Variants in YTHDF1 observed in about 807,000 individuals in gnomAD.
YTHDF1 encodes the protein YTH N6-methyladenosine RNA binding protein F1.
A neutral mutation model predicts 49.1 loss-of-function variants in YTHDF1; 16 were observed. That is an observed-to-expected ratio of 0.33 (90% CI 0.22 to 0.49). The LOEUF (loss-of-function observed/expected upper bound fraction) is 0.49. Among genes scored for constraint, YTHDF1 ranks in the 20% least tolerant of loss-of-function variants. The pLI is 0.99. For missense variants in YTHDF1, 621 were observed against 744.3 expected, an observed-to-expected ratio of 0.83 and a Z score of 1.93; for synonymous variants, 313 against 290.1, an observed-to-expected ratio of 1.08 and a Z score of -0.80.
Position 63,215,912 on chromosome 20 carries a change from G to A in YTHDF1, c.-20C>T. 7.2e-7 allele frequency: 1 copy of A among 1,394,958 alleles called. No homozygotes were observed. Among genetic ancestry groups the A allele is most frequent in the Non-Finnish European group, 9.4e-7 (1 of 1,069,216 alleles). The allele number at this position is 1,394,958 out of a possible 1,614,324, so 86.4% of individuals were successfully genotyped here. A position where few individuals can be genotyped will look rare whatever the true frequency, so the allele number is the denominator to read the frequency against. ...CGACATGCTTCATGAACAACTAGAC[G>A]CGGGGCCGGGGCGCCCGCCGGCTCG... On this transcript the variant is annotated 5_prime_UTR_variant, in exon 1 of 5. Transcript: ENST00000370339.
intron 4 of YTHDF1, among the ~76,000 whole-genome samples, chr20:63,200,115 C>T (rs918832565): frequency 2.0e-5 from 3 of 152,068 alleles, no homozygotes; most frequent in Admixed American, 6.5e-5. Context: ...AATCCCAGCA[C>T]TTTGGGAGGC....
At chr20:63,201,987 A>G (rs2066519574) in intron 4 of YTHDF1, among the ~76,000 whole-genome samples, 2 of 152,256 alleles carry the variant, frequency 1.3e-5, no homozygotes, top group Admixed American at 1.3e-4. Context: ...AATTCTTTGT[A>G]ACAGAAAAAC....
intron 4 of YTHDF1, among the ~76,000 whole-genome samples, chr20:63,201,223 G>A (rs933419606): frequency 6.6e-6 from 1 of 152,078 alleles, no homozygotes; most frequent in Non-Finnish European, 1.5e-5. Flanking sequence ...CAGTGCAGGC[G>A]GCTCTACTCT....
rs1449590025 is a variant in YTHDF1 at position 63,202,970 on chromosome 20, G to C, written c.970C>G (p.Pro324Ala). Residue 324 changes from proline to alanine, a missense_variant, in exon 4 of 5, where the codon CCC becomes GCC. Around this residue, in one of 2 missense-constraint regions of YTHDF1, gnomAD observed 470 missense variants for 495.8 expected, o/e 0.95. Coordinates refer to ENST00000370339, the MANE Select transcript of YTHDF1 (RefSeq NM_017798.4). ...CGTGGGGCAACCCAGCGGGTCTGGG[G>C]TGGCTGCTGAGGGCTCTGATACTGC... Reference protein sequence around the residue: ...QPQYQSPQQPPQTRWVAPRNR... With the variant: ...QPQYQSPQQPAQTRWVAPRNR... The C allele has an allele frequency of 6.2e-7, 1 of 1,613,692 alleles. No individual in the cohort carries two copies. Among genetic ancestry groups the C allele is most frequent in the African/African-American group, 1.3e-5 (1 of 74,954 alleles).
intron 4 of YTHDF1, 106 bp from the exon 5 acceptor site, chr20:63,196,840 G>A (rs1184955996): frequency 7.5e-5 from 101 of 1,354,812 alleles, no homozygotes; most frequent in Non-Finnish European, 1.0e-4. Context: ...CAAATCTGGA[G>A]GCGGGACCCT....
At chr20:63,198,440 C>T (rs1053367379) in intron 4 of YTHDF1, among the ~76,000 whole-genome samples, 1 of 151,960 alleles carries the variant, frequency 6.6e-6, no homozygotes, top group South Asian at 2.1e-4. Context: ...GCGAAACTCT[C>T]AATCAATCAA....
Position 63,203,614 on chromosome 20 carries a change from C to T in YTHDF1, c.326G>A (p.Gly109Glu). 6.2e-7 allele frequency: 1 copy of T among 1,614,164 alleles called. No individual in the cohort carries two copies. The highest frequency in any genetic ancestry group is 8.5e-7 in the Non-Finnish European group (1 of 1,180,032). Residue 109 changes from glycine to glutamate, a missense_variant, in exon 4 of 5, where the codon GGG becomes GAG. Gly to Glu is a moderately conservative substitution (Grantham distance 98). This residue lies in a region of YTHDF1 where 470 missense variants were observed against 495.8 expected (regional missense o/e 0.95). Coordinates refer to ENST00000370339, the MANE Select transcript of YTHDF1 (RefSeq NM_017798.4). This position sits in a 1 kb window ranked among gnomAD's most constrained non-coding sequence, Gnocchi z 4.4. ...CTGATAGATGTTGTTCCCCAGGCCCCCAGGCTGCCCAAAAACAGCATCGTG... is the reference window on the plus strand; with the variant it reads ...CTGATAGATGTTGTTCCCCAGGCCCTCAGGCTGCCCAAAAACAGCATCGTG... ...FMHDAVFGQP[G>E]GLGNNIYQHR...
rs2066600871 is a variant in YTHDF1 at position 63,216,010 on chromosome 20, CCGGCCGGGCGG to C, written c.-129_-119del. 1.0e-6 allele frequency: 1 copy of C among 955,356 alleles called. No individual in the cohort carries two copies. The allele number at this position is 955,356 out of a possible 1,614,324, so 59.2% of individuals were successfully genotyped here. A position where few individuals can be genotyped will look rare whatever the true frequency, so the allele number is the denominator to read the frequency against. On this transcript the variant is annotated 5_prime_UTR_variant, in exon 1 of 5. Coordinates refer to ENST00000370339, the MANE Select transcript of YTHDF1 (RefSeq NM_017798.4). ...GGCCCCGCCGCCAATTCCCCGGGCG[CCGGCCGGGCGG>C]CGGCGGCGGCTGCTGGGCGCGCGGG...
chr20:63,198,652 C>T (rs995932638), intron 4 of YTHDF1, among the ~76,000 whole-genome samples: 3 of 151,494 alleles, frequency 2.0e-5, no homozygotes, highest in South Asian at 4.2e-4. Flanking sequence ...AAAAAAATGA[C>T]GAAGCACAGC....
In YTHDF1 at chr20:63,202,464, G is replaced by T; in HGVS notation, c.1476C>A (p.Ile492=). 1.9e-6 allele frequency: 3 copies of T among 1,614,294 alleles called. No individual in the cohort carries two copies. The Admixed American group carries it at 5.0e-5, about 27-fold the overall frequency. ...GTTTGTTGTCGTTATTCTCCAGCCT[G>T]ATGTGCCGGAGCTGGTTATTGGGTA... ...KDVPNNQLRH[I]RLENNDNKPV... The change falls in exon 4 of 5, where the codon ATC becomes ATA. Residue 492 remains isoleucine (I), a synonymous_variant. Transcript: ENST00000370339.
Position 63,202,353 on chromosome 20 carries a change from T to C in YTHDF1, c.1587A>G (p.Thr529=), listed in dbSNP as rs1344475109. 22 of 1,614,266 alleles carry C rather than the reference T, an allele frequency of 1.4e-5. No individual in the cohort carries two copies. Among genetic ancestry groups the C allele is most frequent in the Non-Finnish European group, 1.9e-5 (22 of 1,180,038 alleles). ...GAGCAAAGTCGTCGAAGATGGAGGT[T>C]GTGTGCTTGTAGGAACTGATAATTT... ...VLKIISSYKH[T]TSIFDDFAHY... is the part of the protein sequence containing the mutation. The change falls in exon 4 of 5, where the codon ACA becomes ACG. Residue 529 remains threonine, a synonymous_variant. Coordinates refer to ENST00000370339, the MANE Select transcript of YTHDF1 (RefSeq NM_017798.4).
At chr20:63,215,377 G>A (rs887812425) in intron 2 of YTHDF1, among the ~76,000 whole-genome samples, 200 bp downstream of exon 2, 1 of 152,194 alleles carries the variant, frequency 6.6e-6, no homozygotes, top group Non-Finnish European at 1.5e-5. Context: ...ACTACTCTGA[G>A]CAATCATTTA....
rs1176273421 is a variant in YTHDF1 at position 63,216,033 on chromosome 20, G to A, written c.-141C>T. The stretch of plus-strand genomic sequence containing the variant: ...CGCCGGCCGGGCGGCGGCGGCGGCT[G>A]CTGGGCGCGCGGGCCCCTGGCGAGG... On this transcript the variant is annotated 5_prime_UTR_variant, in exon 1 of 5. Transcript: ENST00000370339. 2.9e-6 allele frequency: 2 copies of A among 687,396 alleles called. No homozygotes were observed. The highest frequency in any genetic ancestry group is 1.8e-6 in the Non-Finnish European group (1 of 558,686). 42.6% of individuals were successfully genotyped at this position (687,396 alleles called of 1,614,324 possible).
At chr20:63,204,415 C>T (rs981434550) in intron 3 of YTHDF1, among the ~76,000 whole-genome samples, 79 of 152,184 alleles carry the variant, frequency 5.2e-4, no homozygotes, top group African/African-American at 1.8e-3. Context: ...AGGCTCCTTC[C>T]ACACACCCTT....
chr20:63,201,646 A>C (rs1348298041), intron 4 of YTHDF1, among the ~76,000 whole-genome samples: 1 of 152,226 alleles, frequency 6.6e-6, no homozygotes, highest in Non-Finnish European at 1.5e-5. Context: ...CATATTTGTC[A>C]TTATAAAATG....
At chr20:63,214,856 G>C (rs980552119) in intron 2 of YTHDF1, among the ~76,000 whole-genome samples, 5 of 152,184 alleles carry the variant, frequency 3.3e-5, no homozygotes, top group African/African-American at 1.2e-4. Context: ...AGGCAGGTTT[G>C]CCCTCAGCAG....
intron 3 of YTHDF1, among the ~76,000 whole-genome samples, chr20:63,211,616 T>C (rs1360202477): frequency 1.3e-5 from 2 of 152,066 alleles, no homozygotes; most frequent in Admixed American, 1.3e-4. Context: ...AATAATCGAT[T>C]TGTAAAGAAA....
chr20:63,209,495 C>A (rs1052187401), intron 3 of YTHDF1, among the ~76,000 whole-genome samples: 1 of 152,120 alleles, frequency 6.6e-6, no homozygotes, highest in Non-Finnish European at 1.5e-5. Flanking sequence ...CACGGCCAGG[C>A]ACAGTGGCTC....
chr20:63,197,241 G>C (rs1033862550), intron 4 of YTHDF1, among the ~76,000 whole-genome samples: 1 of 152,174 alleles, frequency 6.6e-6, no homozygotes, highest in Admixed American at 6.5e-5. Context: ...GTGTCATGTG[G>C]CTAATGAAGG....
Sources: gnomAD v4.1 joint callset for allele counts (sites outside exome capture counted in the v4.1 genomes callset) on GRCh38, gnomAD v4.1.1 for gene constraint, gnomAD v4.1.1 regional missense constraint, Gnocchi (gnomAD v3.1) non-coding constraint, MANE v1.5 for transcripts, NCBI Gene and HGNC (gene_info 2026-07-23, HGNC 2026-07-21) for gene names.